Variants in CADPS2 observed in about 807,000 individuals in gnomAD.
CADPS2 encodes the protein calcium dependent secretion activator 2.
In CADPS2, 93 loss-of-function variants were observed where a neutral mutation model predicts 172.5. The ratio of observed to expected loss-of-function variants is 0.54; its 90% CI spans 0.46 to 0.64. The LOEUF is 0.64. CADPS2 is among the 30% of genes least tolerant of loss of function. The pLI, the probability that CADPS2 is intolerant of heterozygous loss-of-function variation, is 0.00. For synonymous variants in CADPS2, 546 were observed against 555.2 expected (o/e 0.98, Z 0.23); for missense variants, 1,420 against 1,565.9 (o/e 0.91, Z 1.57).
intron 3 of CADPS2, among the ~76,000 whole-genome samples, chr7:122,652,471 T>C (rs1175452326): frequency 1.3e-5 from 2 of 152,190 alleles, no homozygotes; most frequent in East Asian, 3.8e-4. Context: ...TTTAATATTA[T>C]ATAACATTGT....
intron 2 of CADPS2, chr7:122,681,626 G>A (rs577706355): frequency 1.4e-4 from 213 of 1,473,544 alleles, no homozygotes; most frequent in East Asian, 5.9e-4. Context: ...TTAGACCTGC[G>A]GGTGCTGCCC....
chr7:122,551,049 A>G (rs1455538121), intron 8 of CADPS2, among the ~76,000 whole-genome samples: 1 of 152,112 alleles, frequency 6.6e-6, no homozygotes, highest in African/African-American at 2.4e-5. Flanking sequence ...TCCTACTTAA[A>G]TAAACTATAA....
chr7:122,734,514 C>T (rs190623793), intron 2 of CADPS2, among the ~76,000 whole-genome samples: 1 of 151,190 alleles, frequency 6.6e-6, no homozygotes, highest in Non-Finnish European at 1.5e-5. Flanking sequence ...ATAATACTTG[C>T]ACTGTTTATT....
intron 11 of CADPS2, among the ~76,000 whole-genome samples, chr7:122,485,697 T>C (rs991540315): frequency 1.3e-5 from 2 of 152,224 alleles, no homozygotes; most frequent in African/African-American, 4.8e-5. Context: ...AAGTTAGCTA[T>C]GCTAAATAAC....
intron 3 of CADPS2, among the ~76,000 whole-genome samples, chr7:122,631,803 G>C (rs778608476): frequency 1.3e-5 from 2 of 152,042 alleles, no homozygotes; most frequent in Non-Finnish European, 2.9e-5. Flanking sequence ...CCATCACCCA[G>C]GTGGTGAGCA....
At chr7:122,490,346 C>T (rs532949692) in intron 10 of CADPS2, 65 bp from the exon 11 acceptor site, 10 of 1,251,360 alleles carry the variant, frequency 8.0e-6, no homozygotes, top group East Asian at 4.7e-5. Flanking sequence ...GTCTCATTCA[C>T]TAACTGACCT....
At chr7:122,539,676 A>G (rs995480702) in intron 8 of CADPS2, among the ~76,000 whole-genome samples, 1 of 151,988 alleles carries the variant, frequency 6.6e-6, no homozygotes, top group African/African-American at 2.4e-5. Flanking sequence ...TCATAAAGGG[A>G]AAAAAATGAG....
chr7:122,403,835 CA>C (rs2046271013), intron 20 of CADPS2, among the ~76,000 whole-genome samples: 2 of 151,982 alleles, frequency 1.3e-5, no homozygotes, highest in Admixed American at 6.6e-5. Flanking sequence ...GGAATATCAT[CA>C]AAAAATATTA....
rs1370276248 is a variant in CADPS2, at chr7:122,490,048, T to C, written c.1852+33A>G. On this transcript the variant is annotated intron_variant, in intron 11 of 29. Transcript: ENST00000449022. The stretch of plus-strand genomic sequence containing the variant: ...TTTTATATCTTATTAAGGCTATTAA[T>C]TGATAATCAAATTATTTTTTAACAA... 1.9e-6 allele frequency: 3 copies of C among 1,583,718 alleles called. No individual in the cohort carries two copies. In the East Asian group the frequency reaches 6.7e-5, roughly 36 times the overall value.
chr7:122,451,048 T>G (rs2053028199), intron 15 of CADPS2, among the ~76,000 whole-genome samples: 1 of 152,180 alleles, frequency 6.6e-6, no homozygotes, highest in Non-Finnish European at 1.5e-5. Flanking sequence ...GAGGGCTCCT[T>G]ACCTGGTAAT....
chr7:122,574,791 T>G (rs2067773363), intron 7 of CADPS2, among the ~76,000 whole-genome samples: 1 of 152,094 alleles, frequency 6.6e-6, no homozygotes, highest in Non-Finnish European at 1.5e-5. Flanking sequence ...ACACACAAAT[T>G]TTTTTTAAAT....
At chr7:122,589,121 C>A (rs1286531741) in intron 6 of CADPS2, among the ~76,000 whole-genome samples, 1 of 151,862 alleles carries the variant, frequency 6.6e-6, no homozygotes, top group Non-Finnish European at 1.5e-5. Flanking sequence ...CATTGCCCTG[C>A]ACATAATGGC....
intron 2 of CADPS2, among the ~76,000 whole-genome samples, chr7:122,732,798 T>A (rs1289690373): frequency 7.0e-6 from 1 of 142,584 alleles, no homozygotes; most frequent in Non-Finnish European, 1.5e-5. Flanking sequence ...ATATATACAT[T>A]ATATATTATA....
intron 12 of CADPS2, among the ~76,000 whole-genome samples, chr7:122,477,459 T>A (rs182487846): frequency 1.3e-5 from 2 of 151,028 alleles, no homozygotes; most frequent in East Asian, 3.9e-4. Context: ...AAGGTTGCAG[T>A]AAGCTGAGAT....
At chr7:122,705,624 TTA>T (rs1374189833) in intron 2 of CADPS2, among the ~76,000 whole-genome samples, 14 of 105,250 alleles carry the variant, frequency 1.3e-4, no homozygotes, top group Non-Finnish European at 2.1e-4. Context: ...TTTATATATA[TTA>T]TATATGATAT....
At chr7:122,789,007 T>G (rs79705077) in intron 1 of CADPS2, among the ~76,000 whole-genome samples, 1 of 152,186 alleles carries the variant, frequency 6.6e-6, no homozygotes, top group Non-Finnish European at 1.5e-5. Context: ...GAAGCAGTAC[T>G]TGACCTCTGT....
intron 20 of CADPS2, among the ~76,000 whole-genome samples, chr7:122,407,232 C>G (rs2046759086): frequency 6.6e-6 from 1 of 152,100 alleles, no homozygotes; most frequent in Non-Finnish European, 1.5e-5. Context: ...TTTAGAAATG[C>G]CAGCCTTTGA....
intron 23 of CADPS2, 150 bp from the exon 24 acceptor site, chr7:122,387,323 G>A: frequency 1.4e-6 from 1 of 706,802 alleles, no homozygotes; most frequent in Non-Finnish European, 2.3e-6. Flanking sequence ...TAAGGGGTGG[G>A]ATGCTTTTCT....
chr7:122,515,573 C>T (rs2060297541), intron 8 of CADPS2, among the ~76,000 whole-genome samples: 1 of 152,034 alleles, frequency 6.6e-6, no homozygotes, highest in African/African-American at 2.4e-5. Context: ...ATGACCTTTG[C>T]CTGGAACCAC....
Sources: gnomAD v4.1 joint callset for allele counts (sites outside exome capture counted in the v4.1 genomes callset) on GRCh38, gnomAD v4.1.1 for gene constraint, MANE v1.5 for transcripts, NCBI Gene and HGNC (gene_info 2026-07-23, HGNC 2026-07-21) for gene names.